Variants in FBN2 observed in about 807,000 individuals in gnomAD.
The protein encoded by FBN2 is fibrillin 2, also known as fibrillin-2.
Under a neutral mutation model 355.6 loss-of-function variants are expected in FBN2, and 105 were observed. That is an observed-to-expected ratio of 0.30 (90% CI 0.25 to 0.35). The LOEUF is 0.35. Ranked by LOEUF, FBN2 falls within the 10% of genes least tolerant of loss-of-function variation. FBN2 has a pLI of 1.00. For missense variants in FBN2, 3,280 were observed against 3,758.7 expected, an observed-to-expected ratio of 0.87 and a Z score of 3.33; for synonymous variants, 1,350 against 1,301.2, an observed-to-expected ratio of 1.04 and a Z score of -0.81.
chr5:128,291,795 T>C, intron 48 of FBN2, 141 bp from the exon 49 acceptor site: 2 of 897,466 alleles, frequency 2.2e-6, no homozygotes, highest in Non-Finnish European at 3.6e-6. Context: ...AAAAATAAAC[T>C]ATTATTGCTT....
At position 128,369,252 on chromosome 5, in the gene FBN2, G is replaced by T; in HGVS notation, c.2178C>A (p.Ser726=). The T allele has an allele frequency of 6.2e-7, 1 of 1,614,082 alleles. No individual in the cohort carries two copies. ...VRPFPGAVTK[S]ECCCANPDYG... ...AGTCTGGATTGGCACAGCAGCATTC[G>T]GACTTGGTCACTGCACCGGGGAAAG... Residue 726 remains serine, a synonymous_variant, in exon 16 of 65, where the codon TCC becomes TCA. Transcript: ENST00000262464.
intron 14 of FBN2, among the ~76,000 whole-genome samples, chr5:128,376,007 G>A (rs560893860): frequency 6.6e-6 from 1 of 152,180 alleles, no homozygotes; most frequent in East Asian, 1.9e-4. Flanking sequence ...CTACACTCCA[G>A]CCTAGGTGAC....
chr5:128,458,351 A>T (rs1432512490), intron 6 of FBN2, among the ~76,000 whole-genome samples: 1 of 152,004 alleles, frequency 6.6e-6, no homozygotes, highest in East Asian at 1.9e-4. Context: ...CTTCCACACA[A>T]TAATAGTGGG....
intron 4 of FBN2, among the ~76,000 whole-genome samples, chr5:128,523,138 C>T (rs568954065): frequency 5.3e-5 from 8 of 152,226 alleles, no homozygotes; most frequent in African/African-American, 1.4e-4. Context: ...TCAGCAGAGG[C>T]GCAGACACTT....
At chr5:128,527,076 G>A (rs145695279) in intron 4 of FBN2, among the ~76,000 whole-genome samples, 11 of 152,204 alleles carry the variant, frequency 7.2e-5, no homozygotes, top group Admixed American at 7.2e-4. Context: ...AGGTAAAAAT[G>A]CAAATAAAGT....
At chr5:128,337,917 A>G (rs1750889162) in intron 27 of FBN2, 80 bp downstream of exon 27, 1 of 1,506,942 alleles carries the variant, frequency 6.6e-7, no homozygotes, top group South Asian at 1.1e-5. Context: ...GTGCTCCTCA[A>G]ACAACAGGTT....
intron 55 of FBN2, among the ~76,000 whole-genome samples, chr5:128,280,684 G>A (rs1037668976): frequency 1.3e-5 from 2 of 152,076 alleles, no homozygotes; most frequent in African/African-American, 2.4e-5. Context: ...AAAGGTGTGG[G>A]GAGAGGGATG....
chr5:128,400,844 C>T (rs544270484), intron 8 of FBN2, among the ~76,000 whole-genome samples: 21 of 152,278 alleles, frequency 1.4e-4, no homozygotes, highest in African/African-American at 5.1e-4. Flanking sequence ...CAAATCTCAA[C>T]TTGAATTGTA....
intron 5 of FBN2, among the ~76,000 whole-genome samples, chr5:128,468,475 T>C (rs562710826): frequency 9.2e-5 from 14 of 152,336 alleles, no homozygotes; most frequent in African/African-American, 3.4e-4. Context: ...TTGACAAATA[T>C]ACATTTAACT....
intron 15 of FBN2, 119 bp from the exon 16 acceptor site, chr5:128,369,453 G>A (rs1241504901): frequency 1.1e-6 from 1 of 920,366 alleles, no homozygotes; most frequent in Non-Finnish European, 1.7e-6. Context: ...GGGCATCTGA[G>A]ACTTTTATTT....
intron 48 of FBN2, 109 bp from the exon 49 acceptor site, chr5:128,291,763 G>A (rs1410743680): frequency 1.8e-5 from 19 of 1,060,328 alleles, no homozygotes; most frequent in South Asian, 6.4e-5. Context: ...GAGATATTAC[G>A]TTGTATGTTT....
chr5:128,310,402 A>ATATT (rs1475271868), intron 39 of FBN2, among the ~76,000 whole-genome samples: 2 of 23,304 alleles, frequency 8.6e-5, no homozygotes, highest in Non-Finnish European at 1.5e-4. Context: ...ATATATATAT[A>ATATT]TTTTTTTTTT....
chr5:128,408,528 T>A (rs1581270188), intron 8 of FBN2, 146 bp downstream of exon 8: 1 of 939,838 alleles, frequency 1.1e-6, no homozygotes, highest in African/African-American at 1.6e-5. Flanking sequence ...GGTCTATCAA[T>A]CCCTCAATAC....
chr5:128,285,192 G>T (rs1197889335), intron 55 of FBN2, among the ~76,000 whole-genome samples: 1 of 93,750 alleles, frequency 1.1e-5, no homozygotes, highest in Non-Finnish European at 2.3e-5. Flanking sequence ...CGTTGCAATC[G>T]ACTTTTTTGG....
At chr5:128,447,129 G>A (rs1018330759) in intron 6 of FBN2, among the ~76,000 whole-genome samples, 25 of 152,214 alleles carry the variant, frequency 1.6e-4, no homozygotes, top group Non-Finnish European at 2.9e-4. Flanking sequence ...GTCGCCTCAG[G>A]ACCCTGTGAT....
chr5:128,444,667 C>T (rs1754020512), intron 7 of FBN2, among the ~76,000 whole-genome samples: 1 of 152,166 alleles, frequency 6.6e-6, no homozygotes, highest in Non-Finnish European at 1.5e-5. Flanking sequence ...TATCAATGTC[C>T]CTCTTTCCTA....
At chr5:128,477,142 C>T (rs1183297270) in intron 5 of FBN2, among the ~76,000 whole-genome samples, 6 of 152,150 alleles carry the variant, frequency 3.9e-5, no homozygotes, top group Non-Finnish European at 7.3e-5. Flanking sequence ...TAAATTTAAA[C>T]TTAAAATTTA....
At chr5:128,513,420 C>T (rs1756186375) in intron 5 of FBN2, among the ~76,000 whole-genome samples, 1 of 152,006 alleles carries the variant, frequency 6.6e-6, no homozygotes, top group African/African-American at 2.4e-5. Context: ...AACAGGAAAA[C>T]AAGAAAAAAT....
chr5:128,477,311 A>G (rs13180029), intron 5 of FBN2, among the ~76,000 whole-genome samples: 22,156 of 152,144 alleles, frequency 0.15, 1,859 homozygotes, highest in Non-Finnish European at 0.2. Context: ...GTTGTCTCCC[A>G]GTACCACAGA....
Sources: gnomAD v4.1 joint callset for allele counts (sites outside exome capture counted in the v4.1 genomes callset) on GRCh38, gnomAD v4.1.1 for gene constraint, MANE v1.5 for transcripts, NCBI Gene and HGNC (gene_info 2026-07-23, HGNC 2026-07-21) for gene names.